The following RALGAPA1 variants were observed in gnomAD, a reference collection of about 807,000 sequenced individuals.
RALGAPA1 encodes the protein Ral GTPase activating protein catalytic subunit alpha 1.
In RALGAPA1, 52 loss-of-function variants were observed where a neutral mutation model predicts 269.6. That is an observed-to-expected ratio of 0.19 (90% CI 0.15 to 0.24). RALGAPA1 has a LOEUF of 0.24. Ranked by LOEUF, RALGAPA1 falls within the 10% of genes least tolerant of loss-of-function variation. The probability of loss-of-function intolerance (pLI) is 1.00; values close to 1 mark genes in which losing one functional copy is unlikely to be tolerated. For missense variants in RALGAPA1, 1,917 were observed against 3,013.9 expected, an observed-to-expected ratio of 0.64 and a Z score of 8.52; for synonymous variants, 817 against 1,008.3, an observed-to-expected ratio of 0.81 and a Z score of 3.60.
chr14:35,586,898 C>T (rs1419016640), intron 37 of RALGAPA1, among the ~76,000 whole-genome samples: 2 of 152,126 alleles, frequency 1.3e-5, no homozygotes, highest in Admixed American at 6.6e-5. Flanking sequence ...TGATGTTTAT[C>T]AGGGATATTG....
At chr14:35,688,095 G>A (rs2066117434) in intron 18 of RALGAPA1, among the ~76,000 whole-genome samples, 2 of 152,126 alleles carry the variant, frequency 1.3e-5, no homozygotes, top group African/African-American at 4.8e-5. Context: ...ATAGTGGGGT[G>A]GGGAAGAAAG....
intron 26 of RALGAPA1, among the ~76,000 whole-genome samples, chr14:35,668,055 A>G (rs371433001): frequency 2.0e-4 from 31 of 152,380 alleles, no homozygotes; most frequent in Middle Eastern, 3.4e-3. Context: ...CAAGCACAGA[A>G]AGACAAATGC....
chr14:35,655,830 T>A lies in RALGAPA1; in HGVS notation c.5473A>T (p.Asn1825Tyr), dbSNP rs1288091071. The change falls in exon 29 of 42, where the codon AAT becomes TAT. Residue 1825 changes from asparagine to tyrosine, a missense_variant. Asn to Tyr is a moderately radical substitution (Grantham distance 143). Coordinates refer to ENST00000680220, the MANE Select transcript of RALGAPA1 (RefSeq NM_001346249.2). ...ACCTTTAAGGAAACACAAATCACATTCAGAGCTTCCTTAATTTGAGGATGA... is the reference window on the plus strand; with the variant it reads ...ACCTTTAAGGAAACACAAATCACATACAGAGCTTCCTTAATTTGAGGATGA... ...SHHPQIKEAL[N>Y]VICVSLKFTN... is the part of the protein sequence containing the mutation. 1.2e-6 allele frequency: 2 copies of A among 1,613,294 alleles called. No individual in the cohort carries two copies. The highest frequency in any genetic ancestry group is 1.3e-5 in the African/African-American group (1 of 74,890).
intron 36 of RALGAPA1, among the ~76,000 whole-genome samples, chr14:35,603,058 T>A (rs985744850): frequency 6.0e-4 from 91 of 152,158 alleles, no homozygotes; most frequent in Non-Finnish European, 3.1e-4. Context: ...AAATATGGGG[T>A]CTATTTGTGG....
At chr14:35,790,160 T>A (rs1028634405) in intron 1 of RALGAPA1, among the ~76,000 whole-genome samples, 17 of 151,090 alleles carry the variant, frequency 1.1e-4, no homozygotes, top group Non-Finnish European at 2.1e-4. Context: ...GGCTGAGGCA[T>A]GAGAATAGCT....
At chr14:35,546,274 A>G (rs910466356) in intron 41 of RALGAPA1, among the ~76,000 whole-genome samples, 1 of 152,102 alleles carries the variant, frequency 6.6e-6, no homozygotes, top group Non-Finnish European at 1.5e-5. Flanking sequence ...ATGTCACCAC[A>G]GTTGATTTGC....
At chr14:35,601,201 C>G (rs1402821351) in intron 36 of RALGAPA1, among the ~76,000 whole-genome samples, 1 of 152,198 alleles carries the variant, frequency 6.6e-6, no homozygotes, top group Non-Finnish European at 1.5e-5. Context: ...GAGGCCTCCT[C>G]TGAAATGACT....
At chr14:35,773,415 T>C (rs1173364595) in intron 3 of RALGAPA1, among the ~76,000 whole-genome samples, 2 of 152,094 alleles carry the variant, frequency 1.3e-5, no homozygotes, top group African/African-American at 4.8e-5. Context: ...CAGATCTTTT[T>C]TCTAATAAAA....
chr14:35,563,616 T>C (rs2056464783), intron 39 of RALGAPA1, among the ~76,000 whole-genome samples: 1 of 152,204 alleles, frequency 6.6e-6, no homozygotes, highest in Non-Finnish European at 1.5e-5. Context: ...CTTAAGTCTT[T>C]TAGTATACAG....
chr14:35,620,408 C>T (rs1413646654), intron 35 of RALGAPA1, among the ~76,000 whole-genome samples: 1 of 152,134 alleles, frequency 6.6e-6, no homozygotes, highest in Non-Finnish European at 1.5e-5. Context: ...CAATATCATA[C>T]TGAATGGGCA....
chr14:35,790,684 TA>T (rs75409188), intron 1 of RALGAPA1, among the ~76,000 whole-genome samples: 16,976 of 92,348 alleles, frequency 0.18, 1,557 homozygotes, highest in East Asian at 0.39. Context: ...AGAGACTGTC[TA>T]AAAAAAAAAA....
intron 35 of RALGAPA1, among the ~76,000 whole-genome samples, chr14:35,606,248 G>A (rs191609359): frequency 6.6e-6 from 1 of 152,152 alleles, no homozygotes; most frequent in Non-Finnish European, 1.5e-5. Flanking sequence ...GTTATTGTGT[G>A]AACATTATAG....
At chr14:35,580,144 C>T (rs7155743) in intron 37 of RALGAPA1, among the ~76,000 whole-genome samples, 6,682 of 152,192 alleles carry the variant, frequency 0.044, 391 homozygotes, top group South Asian at 0.14. Context: ...AAATAAAGTG[C>T]TTCTTTCCCC....
intron 36 of RALGAPA1, among the ~76,000 whole-genome samples, chr14:35,598,608 G>A (rs2059075757): frequency 6.6e-6 from 1 of 151,616 alleles, no homozygotes; most frequent in African/African-American, 2.4e-5. Flanking sequence ...TTAGTAGAGA[G>A]GGGGTTTCGC....
intron 20 of RALGAPA1, 44 bp from the exon 21 acceptor site, chr14:35,684,029 G>C (rs1414035028): frequency 1.3e-6 from 2 of 1,511,744 alleles, no homozygotes; most frequent in East Asian, 4.6e-5. Context: ...CAATTACAAA[G>C]TAAAAATATT....
intron 12 of RALGAPA1, among the ~76,000 whole-genome samples, chr14:35,737,906 G>A (rs1463160162): frequency 6.6e-6 from 1 of 150,532 alleles, no homozygotes; most frequent in African/African-American, 2.4e-5. Context: ...TGGCCAACAT[G>A]GTGAAACCTT....
chr14:35,646,863 C>A (rs991685490), intron 31 of RALGAPA1, among the ~76,000 whole-genome samples: 2 of 152,164 alleles, frequency 1.3e-5, no homozygotes, highest in African/African-American at 4.8e-5. Flanking sequence ...ATACTACATA[C>A]AAAGGGATAA....
intron 1 of RALGAPA1, among the ~76,000 whole-genome samples, chr14:35,791,406 C>A (rs989726295): frequency 6.6e-6 from 1 of 152,128 alleles, no homozygotes; most frequent in Admixed American, 6.6e-5. Context: ...AAGTTCGAGA[C>A]CAGCCTGGCC....
chr14:35,787,520 T>C (rs1309466796), intron 1 of RALGAPA1, among the ~76,000 whole-genome samples: 1 of 152,240 alleles, frequency 6.6e-6, no homozygotes, highest in Non-Finnish European at 1.5e-5. Flanking sequence ...GGTGAATTCC[T>C]TGCATTTTTT....
Sources: allele counts gnomAD v4.1 joint callset (sites outside exome capture counted in the v4.1 genomes callset), GRCh38; gene constraint gnomAD v4.1.1; transcripts MANE v1.5; gene names NCBI Gene and HGNC (gene_info 2026-07-23, HGNC 2026-07-21).